PTPRT: variants seen among roughly 807,000 people sequenced by gnomAD.
The protein encoded by PTPRT is protein tyrosine phosphatase receptor type T.
In PTPRT, 56 loss-of-function variants were observed where a neutral mutation model predicts 176.8. The observed-to-expected ratio is 0.32, with a 90% CI of 0.26 to 0.40. The LOEUF (loss-of-function observed/expected upper bound fraction) is 0.40. Ranked by LOEUF, PTPRT falls within the 10% of genes least tolerant of loss-of-function variation. The probability of loss-of-function intolerance (pLI) is 1.00; values close to 1 mark genes in which losing one functional copy is unlikely to be tolerated. For synonymous variants in PTPRT, 783 were observed against 739.0 expected (o/e 1.06, Z -0.96); for missense variants, 1,540 against 1,908.2 (o/e 0.81, Z 3.60).
intron 6 of PTPRT, among the ~76,000 whole-genome samples, chr20:42,689,105 CAG>C (rs2075749363): frequency 1.3e-5 from 2 of 152,160 alleles, no homozygotes. Context: ...TGAAGACCCA[CAG>C]AGCTAAGTCA....
At chr20:42,081,780 A>T in intron 30 of PTPRT, 102 bp downstream of exon 30, 13 of 1,429,772 alleles carry the variant, frequency 9.1e-6, no homozygotes, top group Non-Finnish European at 1.3e-5. Context: ...GTATACAATT[A>T]GCAGCCAGGT....
chr20:42,937,705 C>A (rs1980279725), intron 1 of PTPRT, among the ~76,000 whole-genome samples: 1 of 152,206 alleles, frequency 6.6e-6, no homozygotes. Context: ...CAGCTAAAAT[C>A]TGAGACATAC....
intron 2 of PTPRT, among the ~76,000 whole-genome samples, chr20:42,839,133 T>C (rs549557600): frequency 1.3e-5 from 2 of 152,018 alleles, no homozygotes; most frequent in Non-Finnish European, 1.5e-5. Context: ...GTGCTGGAGG[T>C]AGGCTCTTCT....
intron 1 of PTPRT, among the ~76,000 whole-genome samples, chr20:43,145,004 C>T (rs2014127637): frequency 6.6e-6 from 1 of 152,206 alleles, no homozygotes; most frequent in Non-Finnish European, 1.5e-5. Context: ...CCACAACATG[C>T]CATGCTGGCT....
chr20:42,818,563 C>T (rs1161659451), intron 2 of PTPRT, among the ~76,000 whole-genome samples: 2 of 152,124 alleles, frequency 1.3e-5, no homozygotes, highest in Non-Finnish European at 2.9e-5. Flanking sequence ...CAGAAGTAGG[C>T]CTCAGAAGAT....
At chr20:42,795,570 G>A (rs997128477) in intron 2 of PTPRT, among the ~76,000 whole-genome samples, 3 of 152,212 alleles carry the variant, frequency 2.0e-5, no homozygotes, top group Admixed American at 6.5e-5. Context: ...TGAGGGCCTT[G>A]GGCACCAAGA....
At chr20:42,034,013 C>T in the PTPRT span, among the ~76,000 whole-genome samples, 2 of 152,114 alleles carry the variant, frequency 1.3e-5, no homozygotes, top group South Asian at 2.1e-4. Flanking sequence ...ATCAGGTATA[C>T]TAGTTTTCTG....
At chr20:43,074,010 T>C (rs541806645) in intron 1 of PTPRT, among the ~76,000 whole-genome samples, 1 of 152,226 alleles carries the variant, frequency 6.6e-6, no homozygotes, top group South Asian at 2.1e-4. Flanking sequence ...CACATCAATC[T>C]CCCAAAGTGC....
In PTPRT at chr20:42,396,650, C is replaced by T. The variant is rs1254564237; in HGVS notation, c.1561-44365G>A. ...GATCCCAGCTCACTGCAACCTCTGC[C>T]TCCCGGGTTCAAGTGATTCTCCTGC... On this transcript the variant is annotated intron_variant, in intron 9 of 30. Coordinates refer to ENST00000373187, the MANE Select transcript of PTPRT (RefSeq NM_007050.6). 2.0e-5 allele frequency among the ~76,000 whole-genome samples: 3 copies of T among 152,194 alleles called. No individual in the cohort carries two copies. The East Asian group carries it at 5.8e-4, about 29-fold the overall frequency.
intron 18 of PTPRT, among the ~76,000 whole-genome samples, chr20:42,131,204 G>C (rs1455752763): frequency 6.6e-6 from 1 of 152,212 alleles, no homozygotes; most frequent in African/African-American, 2.4e-5. Context: ...TCTAGCCCCA[G>C]AGAGGACTTC....
intron 7 of PTPRT, among the ~76,000 whole-genome samples, chr20:42,665,536 G>A (rs1478692489): frequency 4.0e-4 from 61 of 152,216 alleles, no homozygotes; most frequent in African/African-American, 1.2e-3. Context: ...ACAGTGTGGC[G>A]ATTCCTCAGG....
chr20:43,175,338 G>T (rs2015100056), intron 1 of PTPRT, among the ~76,000 whole-genome samples: 2 of 152,206 alleles, frequency 1.3e-5, no homozygotes, highest in South Asian at 4.1e-4. Context: ...ATTCCCAAGA[G>T]AAATCCTTTA....
chr20:42,472,198 T>C, intron 8 of PTPRT, 68 bp downstream of exon 8: 5 of 1,516,042 alleles, frequency 3.3e-6, no homozygotes, highest in Non-Finnish European at 4.5e-6. Flanking sequence ...GCCTCATAAC[T>C]GACTGCCATG....
intron 7 of PTPRT, among the ~76,000 whole-genome samples, chr20:42,562,899 T>A (rs2072976002): frequency 6.6e-6 from 1 of 152,074 alleles, no homozygotes; most frequent in African/African-American, 2.4e-5. Flanking sequence ...TACATCCCCT[T>A]TATACAGAAA....
chr20:42,382,975 T>C (rs532102829), intron 9 of PTPRT, among the ~76,000 whole-genome samples: 10 of 152,280 alleles, frequency 6.6e-5, no homozygotes, highest in African/African-American at 2.4e-4. Context: ...TGCAATTACA[T>C]CTGGGTTTAC....
chr20:42,249,814 A>C (rs2056519355), intron 13 of PTPRT, among the ~76,000 whole-genome samples: 1 of 152,234 alleles, frequency 6.6e-6, no homozygotes, highest in Non-Finnish European at 1.5e-5. Flanking sequence ...CAGTATCTTC[A>C]TGCTACGTAC....
chr20:42,225,637 G>A (rs2055989581), intron 15 of PTPRT, among the ~76,000 whole-genome samples: 2 of 152,126 alleles, frequency 1.3e-5, no homozygotes, highest in South Asian at 4.2e-4. Context: ...GGAGAAAAGT[G>A]AATGAATGTG....
At chr20:42,604,514 C>CT (rs113687867) in intron 7 of PTPRT, among the ~76,000 whole-genome samples, 12,597 of 149,952 alleles carry the variant, frequency 0.084, 1,215 homozygotes, top group African/African-American at 0.24. Context: ...ATTTAGTTCT[C>CT]TTTTTTTTTT....
intron 9 of PTPRT, among the ~76,000 whole-genome samples, chr20:42,435,646 G>A (rs541772049): frequency 6.6e-6 from 1 of 152,246 alleles, no homozygotes; most frequent in Admixed American, 6.5e-5. Flanking sequence ...AAAACTATGA[G>A]AGATATTAAA....
Sources: allele counts gnomAD v4.1 joint callset (sites outside exome capture counted in the v4.1 genomes callset), GRCh38; gene constraint gnomAD v4.1.1; transcripts MANE v1.5; gene names NCBI Gene and HGNC (gene_info 2026-07-23, HGNC 2026-07-21).